EBF4: variants seen among roughly 807,000 people sequenced by gnomAD.
EBF4 encodes EBF transcription factor 4.
EBF4 carries 34 observed loss-of-function variants against 67.1 expected under a neutral mutation model. The observed-to-expected ratio is 0.51, with a 90% confidence interval of 0.39 to 0.67. EBF4 has a LOEUF of 0.67. EBF4 is among the 30% of genes least tolerant of loss of function. The pLI is 0.00. For synonymous variants in EBF4, 387 were observed against 377.7 expected (o/e 1.02, Z -0.29); for missense variants, 837 against 873.3 (o/e 0.96, Z 0.52).
rs1568562520 is a variant in EBF4 at position 2,693,664 on chromosome 20, G to T, written c.19G>T (p.Ala7Ser). 1 of 1,444,454 alleles carries T rather than the reference G, an allele frequency of 6.9e-7. No homozygotes were observed. Among genetic ancestry groups the T allele is most frequent in the Non-Finnish European group, 9.0e-7 (1 of 1,105,192 alleles). 89.5% of individuals were successfully genotyped at this position (1,444,454 alleles called of 1,614,324 possible). A position where few individuals can be genotyped will look rare whatever the true frequency, so the allele number is the denominator to read the frequency against. Residue 7 changes from alanine to serine, a missense_variant, in exon 1 of 17, where the codon GCT becomes TCT. This residue lies in a region of EBF4 where 86 missense variants were observed against 70.3 expected (regional missense o/e 1.22). Coordinates refer to ENST00000609451, the Ensembl canonical transcript of EBF4. The surrounding 1 kb of genome is among the most constrained non-coding windows in gnomAD (Gnocchi z 4.6). ...CGCCCTCATGTTCCCTGCGCAGGAC[G>T]CTCTGCCCCGCAGCGGGCTGAACCT...
chr20:2,752,286 C>A, intron 13 of EBF4, 23 bp downstream of exon 13: 29 of 1,219,942 alleles, frequency 2.4e-5, no homozygotes, highest in Non-Finnish European at 2.7e-5. Flanking sequence ...CGCCTCCCCG[C>A]CGTCCTCGGG....
chr20:2,696,624 G>A lies in EBF4; in HGVS notation c.137+2842G>A, dbSNP rs1299077416. ...GCCTCCTCTGCATGATGCTTGGCAGGCAGTGGATACTTGGAGAATTAGCTG... is the reference window on the plus strand; with the variant it reads ...GCCTCCTCTGCATGATGCTTGGCAGACAGTGGATACTTGGAGAATTAGCTG... On this transcript the variant is annotated intron_variant, in intron 1 of 16. Transcript: ENST00000609451. This position sits in a 1 kb window ranked among gnomAD's most constrained non-coding sequence, Gnocchi z 4.7. Among the ~76,000 whole-genome samples the A allele has an allele frequency of 6.6e-6, 1 of 152,116 alleles. No homozygotes were observed. The highest frequency in any genetic ancestry group is 6.5e-5 in the Admixed American group (1 of 15,276).
intron 6 of EBF4, among the ~76,000 whole-genome samples, chr20:2,720,502 A>C (rs940182019): frequency 2.0e-5 from 3 of 152,104 alleles, no homozygotes; most frequent in African/African-American, 7.2e-5. Context: ...GCTTCTTAGC[A>C]AAACTCTATA....
Position 2,747,352 on chromosome 20 carries a change from A to G in EBF4, c.558-1197A>G, listed in dbSNP as rs2088067117. ...AAAACAGGAAAAAAAAGAGTACAAC[A>G]GCCAGAATGTTGTCCATGGCTACCT... On this transcript the variant is annotated intron_variant, in intron 6 of 16. Transcript: ENST00000609451. The surrounding 1 kb of genome is among the most constrained non-coding windows in gnomAD (Gnocchi z 4.6). Among the ~76,000 whole-genome samples the G allele has an allele frequency of 6.6e-6, 1 of 152,012 alleles. No individual in the cohort carries two copies. The highest frequency in any genetic ancestry group is 2.1e-4 in the South Asian group (1 of 4,830).
intron 14 of EBF4, chr20:2,754,979 C>CCCCCCCCCA (rs1555789843): frequency 8.1e-6 from 1 of 123,930 alleles, no homozygotes; most frequent in Non-Finnish European, 1.8e-5. Flanking sequence ...CACCCCCCCC[C>CCCCCCCCCA]ACAGGGCCCA....
At chr20:2,730,488 G>A (rs1241869331) in intron 6 of EBF4, among the ~76,000 whole-genome samples, 5 of 152,128 alleles carry the variant, frequency 3.3e-5, no homozygotes, top group Non-Finnish European at 7.4e-5. Flanking sequence ...TCCAAATAAA[G>A]TCAGTTTCAC....
Position 2,749,396 on chromosome 20 carries a change from C to A in EBF4, c.640-5C>A. 1 of 1,529,318 alleles carries A rather than the reference C, an allele frequency of 6.5e-7. No individual in the cohort carries two copies. The highest frequency in any genetic ancestry group is 1.4e-5 in the African/African-American group (1 of 72,318). 94.7% of individuals were successfully genotyped at this position (1,529,318 alleles called of 1,614,324 possible). Reference sequence around the variant, plus strand: ...CAGCCAGGCTGGCCTCGGCTCTCCCCGCAGGTGGTGGTGTCCACGACGGTG... The same window carrying A: ...CAGCCAGGCTGGCCTCGGCTCTCCCAGCAGGTGGTGGTGTCCACGACGGTG... On this transcript the variant is annotated splice_polypyrimidine_tract_variant and splice_region_variant and intron_variant, in intron 7 of 16. Transcript: ENST00000609451.
chr20:2,754,217 G>A (rs2088202162), intron 14 of EBF4, among the ~76,000 whole-genome samples: 1 of 152,144 alleles, frequency 6.6e-6, no homozygotes, highest in Non-Finnish European at 1.5e-5. Context: ...CACGTTCAGG[G>A]TGCTTTGTGG....
intron 6 of EBF4, among the ~76,000 whole-genome samples, chr20:2,710,306 A>C (rs1422333677): frequency 6.6e-6 from 1 of 151,906 alleles, no homozygotes. Flanking sequence ...ACGCCTCCAC[A>C]CCTGGCTAAT....
At chr20:2,725,433 G>A (rs921786867) in intron 6 of EBF4, among the ~76,000 whole-genome samples, 1 of 151,986 alleles carries the variant, frequency 6.6e-6, no homozygotes, top group East Asian at 1.9e-4. Flanking sequence ...ATTTTGCATG[G>A]TCTCTTCTTG....
At chr20:2,709,288 G>A (rs1459218037) in intron 5 of EBF4, among the ~76,000 whole-genome samples, 2 of 152,160 alleles carry the variant, frequency 1.3e-5, no homozygotes, top group Non-Finnish European at 2.9e-5. Flanking sequence ...AACCCTGTAG[G>A]TGACCTGCAG....
chr20:2,741,905 C>A (rs1404581334), intron 6 of EBF4, among the ~76,000 whole-genome samples: 1 of 152,208 alleles, frequency 6.6e-6, no homozygotes, highest in Non-Finnish European at 1.5e-5. Flanking sequence ...TTTTTTAATA[C>A]TGAAGATCTT....
At chr20:2,740,865 C>T (rs1271245963) in intron 6 of EBF4, among the ~76,000 whole-genome samples, 1 of 152,056 alleles carries the variant, frequency 6.6e-6, no homozygotes, top group Non-Finnish European at 1.5e-5. Context: ...TGGCTGTGGG[C>T]TACTGGTGGG....
intron 6 of EBF4, among the ~76,000 whole-genome samples, chr20:2,737,128 T>C (rs994882640): frequency 4.6e-5 from 7 of 151,320 alleles, no homozygotes; most frequent in African/African-American, 1.2e-4. Context: ...CGGGCGCCTG[T>C]AGTCCCAGCT....
chr20:2,748,915 G>C (rs1422536995), intron 7 of EBF4, among the ~76,000 whole-genome samples: 4 of 152,210 alleles, frequency 2.6e-5, no homozygotes. Flanking sequence ...TGCATAGCGT[G>C]AAGCGGAGAG....
intron 6 of EBF4, among the ~76,000 whole-genome samples, chr20:2,713,888 A>C (rs188575890): frequency 3.3e-4 from 50 of 152,306 alleles, no homozygotes; most frequent in African/African-American, 1.1e-3. Flanking sequence ...ATGCGTGGCC[A>C]GGGAAGGTGG....
chr20:2,735,474 G>C (rs753603727), intron 6 of EBF4, among the ~76,000 whole-genome samples: 13 of 152,304 alleles, frequency 8.5e-5, no homozygotes, highest in Non-Finnish European at 1.8e-4. Flanking sequence ...CACACATGTT[G>C]TTAATTTTTA....
At chr20:2,712,005 C>T (rs917855059) in intron 6 of EBF4, among the ~76,000 whole-genome samples, 2 of 151,936 alleles carry the variant, frequency 1.3e-5, no homozygotes, top group Admixed American at 6.6e-5. Flanking sequence ...TAAGGGAAAA[C>T]AAGGAGGCCC....
intron 1 of EBF4, among the ~76,000 whole-genome samples, chr20:2,697,531 C>T (rs1425580236): frequency 2.1e-5 from 3 of 142,500 alleles, no homozygotes; most frequent in East Asian, 4.2e-4. Flanking sequence ...GGTGACAGAG[C>T]GAGACTCTGT....
Sources: gnomAD v4.1 joint callset for allele counts (sites outside exome capture counted in the v4.1 genomes callset) on GRCh38, gnomAD v4.1.1 for gene constraint, gnomAD v4.1.1 regional missense constraint, Gnocchi (gnomAD v3.1) non-coding constraint, MANE v1.5 for transcripts, NCBI Gene and HGNC (gene_info 2026-07-23, HGNC 2026-07-21) for gene names.